The following SENP7 variants were observed in gnomAD, a reference collection of about 807,000 sequenced individuals.
The protein encoded by SENP7 is sentrin-specific protease 7.
A neutral mutation model predicts 141.2 loss-of-function variants in SENP7; 64 were observed. The observed-to-expected ratio is 0.45, with a 90% confidence interval of 0.37 to 0.56. SENP7 has a LOEUF of 0.56. Ranked by LOEUF, SENP7 falls within the 20% of genes least tolerant of loss-of-function variation. The probability of loss-of-function intolerance (pLI) is 0.00; values close to 1 mark genes in which losing one functional copy is unlikely to be tolerated. For missense variants in SENP7, 1,025 were observed against 1,212.2 expected, an observed-to-expected ratio of 0.85 and a Z score of 2.29; for synonymous variants, 382 against 426.4, an observed-to-expected ratio of 0.90 and a Z score of 1.28.
At chr3:101,368,120 A>C in intron 7 of SENP7, 109 bp from the exon 8 acceptor site, 18 of 767,636 alleles carry the variant, frequency 2.3e-5, no homozygotes, top group Non-Finnish European at 3.7e-5. Context: ...TCCAAAGCTC[A>C]TTAAAACAGA....
At chr3:101,462,729 G>A (rs953539038) in intron 3 of SENP7, among the ~76,000 whole-genome samples, 9 of 151,776 alleles carry the variant, frequency 5.9e-5, no homozygotes, top group South Asian at 2.1e-4. Flanking sequence ...TTAGCTGGGC[G>A]TGGTGGTGCA....
chr3:101,496,436 T>G (rs1449476048), intron 2 of SENP7, among the ~76,000 whole-genome samples: 2 of 152,124 alleles, frequency 1.3e-5, no homozygotes, highest in African/African-American at 2.4e-5. Context: ...TTTTATTTTT[T>G]GCAGACACAG....
rs534679511 is a variant in SENP7, at chr3:101,376,864, T to C, written c.678-4738A>G. 1.0e-3 allele frequency among the ~76,000 whole-genome samples: 152 copies of C among 152,084 alleles called. 1 individual carries two copies. The highest frequency in any genetic ancestry group is 3.3e-3 in the African/African-American group (137 of 41,470). On this transcript the variant is annotated intron_variant, in intron 6 of 23. Transcript: ENST00000394095. ...ACAAAGCTTTCAAATTCAGTTGTAG[T>C]GGACTAACTGGGTAACAACAGAGAA...
At chr3:101,491,323 A>AT in intron 3 of SENP7, among the ~76,000 whole-genome samples, 1 of 87,198 alleles carries the variant, frequency 1.1e-5, no homozygotes. Context: ...GGATCTCGCT[A>AT]TATTTCCTAG....
At chr3:101,451,783 T>C (rs987388738) in intron 4 of SENP7, among the ~76,000 whole-genome samples, 6 of 152,274 alleles carry the variant, frequency 3.9e-5, no homozygotes, top group Admixed American at 2.6e-4. Context: ...ACTGGAAGCA[T>C]TCCCTTTGAA....
chr3:101,484,265 C>A (rs980471366), intron 3 of SENP7, among the ~76,000 whole-genome samples: 1 of 152,140 alleles, frequency 6.6e-6, no homozygotes, highest in African/African-American at 2.4e-5. Context: ...AAGCCAAAGA[C>A]TGAGAGAAAA....
At chr3:101,426,618 T>C (rs2061967986) in intron 4 of SENP7, among the ~76,000 whole-genome samples, 2 of 152,050 alleles carry the variant, frequency 1.3e-5, no homozygotes, top group African/African-American at 4.8e-5. Context: ...TAGCTGGGAT[T>C]ACAGGCACCC....
At chr3:101,479,094 C>A (rs1280231877) in intron 3 of SENP7, among the ~76,000 whole-genome samples, 3 of 152,178 alleles carry the variant, frequency 2.0e-5, no homozygotes, top group Non-Finnish European at 4.4e-5. Flanking sequence ...CAGCTAACAT[C>A]ACACTGAATG....
At chr3:101,420,073 A>C (rs1016701081) in intron 4 of SENP7, among the ~76,000 whole-genome samples, 7 of 152,240 alleles carry the variant, frequency 4.6e-5, no homozygotes, top group African/African-American at 1.4e-4. Context: ...ACCTTCTCTT[A>C]AAAGTGATAG....
intron 3 of SENP7, among the ~76,000 whole-genome samples, chr3:101,474,510 G>C (rs1022109090): frequency 6.6e-6 from 1 of 152,120 alleles, no homozygotes; most frequent in African/African-American, 2.4e-5. Flanking sequence ...GAGTGCTAGT[G>C]ATTTTTGGAC....
chr3:101,346,757 G>A (rs1159679896), intron 13 of SENP7, among the ~76,000 whole-genome samples: 1 of 151,892 alleles, frequency 6.6e-6, no homozygotes, highest in Non-Finnish European at 1.5e-5. Context: ...GGCTCAGGGG[G>A]AAAGGGTAGG....
chr3:101,416,077 G>T (rs2061612164), intron 5 of SENP7, among the ~76,000 whole-genome samples: 1 of 152,150 alleles, frequency 6.6e-6, no homozygotes, highest in Non-Finnish European at 1.5e-5. Context: ...TACAAAAACA[G>T]GCACAAGTTT....
chr3:101,365,858 C>T (rs1290365794), intron 9 of SENP7, among the ~76,000 whole-genome samples: 1 of 152,052 alleles, frequency 6.6e-6, no homozygotes, highest in Non-Finnish European at 1.5e-5. Context: ...ATGGATAAAG[C>T]CATGAGGAGG....
At chr3:101,436,349 G>A (rs2062387053) in intron 4 of SENP7, among the ~76,000 whole-genome samples, 1 of 152,100 alleles carries the variant, frequency 6.6e-6, no homozygotes, top group South Asian at 2.1e-4. Flanking sequence ...AAATCTCCAG[G>A]ACATTGGTCT....
At chr3:101,431,519 T>TC (rs2062171494) in intron 4 of SENP7, among the ~76,000 whole-genome samples, 1 of 147,032 alleles carries the variant, frequency 6.8e-6, no homozygotes, top group African/African-American at 2.6e-5. Context: ...TTTTTTTTTT[T>TC]TTTTTTTTTT....
intron 2 of SENP7, among the ~76,000 whole-genome samples, chr3:101,495,835 T>C (rs1478347251): frequency 2.0e-5 from 3 of 152,184 alleles, no homozygotes; most frequent in Non-Finnish European, 2.9e-5. Flanking sequence ...CAAACCACCA[T>C]GGCACACATT....
chr3:101,477,872 G>T (rs79217631), intron 3 of SENP7, among the ~76,000 whole-genome samples: 1 of 143,946 alleles, frequency 6.9e-6, no homozygotes, highest in African/African-American at 2.6e-5. Flanking sequence ...AGTTAGTAGA[G>T]AAAAAAAAAT....
At chr3:101,349,109 G>A (rs1011424438) in intron 12 of SENP7, among the ~76,000 whole-genome samples, 1 of 152,040 alleles carries the variant, frequency 6.6e-6, no homozygotes, top group Non-Finnish European at 1.5e-5. Flanking sequence ...CTCCAACCCC[G>A]TGATTCACAT....
At chr3:101,430,432 A>T (rs2062120912) in intron 4 of SENP7, among the ~76,000 whole-genome samples, 1 of 152,240 alleles carries the variant, frequency 6.6e-6, no homozygotes, top group Non-Finnish European at 1.5e-5. Flanking sequence ...ATATTTGTCC[A>T]GGAATTTATC....
Sources: allele counts gnomAD v4.1 joint callset (sites outside exome capture counted in the v4.1 genomes callset), GRCh38; gene constraint gnomAD v4.1.1; transcripts MANE v1.5; gene names NCBI Gene and HGNC (gene_info 2026-07-23, HGNC 2026-07-21).